The following GOSR2 variants were observed in gnomAD, a reference collection of about 807,000 sequenced individuals.
The protein encoded by GOSR2 is golgi SNAP receptor complex member 2.
A neutral mutation model predicts 27.9 loss-of-function variants in GOSR2; 20 were observed. The observed-to-expected ratio is 0.72, with a 90% confidence interval of 0.50 to 1.04. The LOEUF (loss-of-function observed/expected upper bound fraction) is 1.04, where lower values mean the gene tolerates loss of function less well. GOSR2 is among the 50% of genes least tolerant of loss of function. The probability of loss-of-function intolerance (pLI) is 0.00; values close to 1 mark genes in which losing one functional copy is unlikely to be tolerated. For missense variants in GOSR2, 261 were observed against 270.5 expected (o/e 0.97, Z 0.25); for synonymous variants, 91 against 98.8 (o/e 0.92, Z 0.47).
chr17:46,929,625 G>A (rs780555364), intron 2 of GOSR2, 41 bp downstream of exon 2: 4 of 983,958 alleles, frequency 4.1e-6, no homozygotes, highest in East Asian at 2.4e-5. Flanking sequence ...TTTCTCTGAT[G>A]ACAGGGTGCT....
rs758758926 is a variant in GOSR2 at position 46,934,796 on chromosome 17, CT to C, written c.337-231del. ...ACAAGTATCGTTGGAATGAACGATA[CT>C]TGTGGAGTGGAACTCATTTGGAGAG... On this transcript the variant is annotated intron_variant, in intron 4 of 5. Transcript: ENST00000640051. Among the ~76,000 whole-genome samples the C allele has an allele frequency of 4.8e-3, 725 of 152,298 alleles. 1 individual carries two copies. The highest frequency in any genetic ancestry group is 7.5e-3 in the Non-Finnish European group (511 of 68,024).
At chr17:46,966,506 C>T (rs2091328324) in intron 6 of GOSR2, 1 of 685,448 alleles carries the variant, frequency 1.5e-6, no homozygotes. Flanking sequence ...CCCCACCACA[C>T]CCGATTAATT....
chr17:46,946,297 A>G (rs964132379), downstream of GOSR2, among the ~76,000 whole-genome samples: 32 of 148,030 alleles, frequency 2.2e-4, no homozygotes, highest in African/African-American at 7.6e-4. Context: ...AAAAAAAAAA[A>G]AAAAAGAAAA....
downstream of GOSR2, among the ~76,000 whole-genome samples, chr17:46,967,230 G>A (rs2091344067): frequency 6.6e-6 from 1 of 152,240 alleles, no homozygotes; most frequent in Non-Finnish European, 1.5e-5. Flanking sequence ...TCAGACACCA[G>A]TCTGCCTGGG....
chr17:46,965,182 A>G (rs1283101083), intron 6 of GOSR2: 4 of 152,290 alleles, frequency 2.6e-5, no homozygotes, highest in Non-Finnish European at 5.9e-5. Context: ...GGCCCAGGGC[A>G]TAGTGGAAGG....
downstream of GOSR2, among the ~76,000 whole-genome samples, chr17:46,944,398 A>T (rs115550622): frequency 7.5e-3 from 1,147 of 152,098 alleles, 19 homozygotes; most frequent in African/African-American, 0.027. Context: ...TGGGGGTAAC[A>T]CCTGTCCCAC....
intron 6 of GOSR2, among the ~76,000 whole-genome samples, chr17:46,974,171 C>T (rs1200487661): frequency 2.0e-5 from 3 of 152,232 alleles, no homozygotes; most frequent in Non-Finnish European, 4.4e-5. Context: ...GGGATTTGAC[C>T]TAGGCCCTGA....
rs1468647146 is a variant in GOSR2 at position 46,953,151 on chromosome 17, C to T, written c.584-13383C>T. ...CATGTTGGTGTGCTGCACCCATTAA[C>T]TCGTCATTTAGCATTAGGTATATCT... On this transcript the variant is annotated intron_variant, in intron 6 of 6. Coordinates refer to the GOSR2 transcript ENST00000573224. Among the ~76,000 whole-genome samples, 8 of 152,066 alleles carry T rather than the reference C, an allele frequency of 5.3e-5. No homozygotes were observed. In the East Asian group the frequency reaches 1.5e-3, roughly 29 times the overall value.
At chr17:46,955,127 A>G (rs1171973561) in intron 6 of GOSR2, among the ~76,000 whole-genome samples, 1 of 152,110 alleles carries the variant, frequency 6.6e-6, no homozygotes, top group Non-Finnish European at 1.5e-5. Context: ...GTTTTTGTCC[A>G]TTCAGTATGA....
intron 5 of GOSR2, chr17:46,935,825 C>G: frequency 1.0e-6 from 1 of 986,002 alleles, no homozygotes; most frequent in Non-Finnish European, 1.2e-6. Context: ...TGATGTCAGT[C>G]ATGATGTTTC....
At chr17:46,969,118 C>T (rs1268040214), downstream of GOSR2, among the ~76,000 whole-genome samples, 7 of 152,324 alleles carry the variant, frequency 4.6e-5, no homozygotes, top group South Asian at 2.1e-4. Context: ...AAGCGGAAGC[C>T]GATCTCGCTC....
downstream of GOSR2, among the ~76,000 whole-genome samples, chr17:46,968,497 A>C (rs1043160878): frequency 1.3e-5 from 2 of 152,220 alleles, no homozygotes; most frequent in African/African-American, 4.8e-5. Context: ...ACCCTCCACC[A>C]GCCACCCAGC....
intron 6 of GOSR2, among the ~76,000 whole-genome samples, chr17:46,947,263 T>C (rs1267227230): frequency 1.3e-5 from 2 of 152,140 alleles, no homozygotes; most frequent in Non-Finnish European, 2.9e-5. Flanking sequence ...AGCCTCCTCT[T>C]TGGTGTATGT....
chr17:46,956,349 G>A (rs889204109), intron 6 of GOSR2, among the ~76,000 whole-genome samples: 1 of 130,182 alleles, frequency 7.7e-6, no homozygotes, highest in Non-Finnish European at 1.5e-5. Flanking sequence ...GGAGTGCAAT[G>A]CTGCCATCTT....
At chr17:46,925,760 C>T (rs951259301) in intron 1 of GOSR2, among the ~76,000 whole-genome samples, 5 of 152,192 alleles carry the variant, frequency 3.3e-5, no homozygotes, top group African/African-American at 4.8e-5. Flanking sequence ...TATCTCTTGC[C>T]GTGTCACTGA....
intron 1 of GOSR2, among the ~76,000 whole-genome samples, chr17:46,925,493 C>G (rs370584161): frequency 1.3e-5 from 2 of 152,326 alleles, no homozygotes; most frequent in South Asian, 4.1e-4. Flanking sequence ...AGTGGGAGTT[C>G]TGGTTCTAGA....
chr17:46,964,377 G>C (rs1256959095), intron 6 of GOSR2: 1 of 152,242 alleles, frequency 6.6e-6, no homozygotes, highest in South Asian at 2.1e-4. Context: ...TGATGGAGGT[G>C]ATCTGAGATG....
chr17:46,929,841 C>CCAT, intron 2 of GOSR2: 1 of 482,652 alleles, frequency 2.1e-6, no homozygotes, highest in East Asian at 3.8e-5. Flanking sequence ...GCGCTTGCCT[C>CCAT]CATCTATCTT....
chr17:46,933,708 C>A (rs1390211427), intron 4 of GOSR2: 2 of 149,034 alleles, frequency 1.3e-5, no homozygotes, highest in Non-Finnish European at 3.0e-5. Flanking sequence ...CACAATGACA[C>A]ACGCCTGTGA....
Sources: gnomAD v4.1 joint callset for allele counts (sites outside exome capture counted in the v4.1 genomes callset) on GRCh38, gnomAD v4.1.1 for gene constraint, MANE v1.5 for transcripts, NCBI Gene and HGNC (gene_info 2026-07-23, HGNC 2026-07-21) for gene names.